The following PWWP2A variants were observed in gnomAD, a reference collection of about 807,000 sequenced individuals.
The protein encoded by PWWP2A is PWWP domain containing 2A, also known as PWWP domain-containing protein 2A.
In PWWP2A, 18 loss-of-function variants were observed where a neutral mutation model predicts 48.5. The observed-to-expected ratio is 0.37, with a 90% CI of 0.26 to 0.55. The LOEUF (loss-of-function observed/expected upper bound fraction) is 0.55. Among genes scored for constraint, PWWP2A ranks in the 20% least tolerant of loss-of-function variants. PWWP2A has a pLI of 0.81. For missense variants in PWWP2A, 867 were observed against 976.4 expected (o/e 0.89, Z 1.49); for synonymous variants, 396 against 387.7 (o/e 1.02, Z -0.25).
At chr5:160,109,499 T>G (rs912464853) in intron 1 of PWWP2A, among the ~76,000 whole-genome samples, 10 of 152,058 alleles carry the variant, frequency 6.6e-5, no homozygotes, top group African/African-American at 2.4e-4. Context: ...AAGCCTGGGC[T>G]GAAGGCTTTT....
intron 1 of PWWP2A, 55 bp from the exon 2 acceptor site, chr5:160,094,120 AT>A (rs750748636): frequency 1.1e-4 from 158 of 1,476,486 alleles, no homozygotes; most frequent in Non-Finnish European, 1.4e-4. Context: ...CTATAATTCA[AT>A]TTCTTAAACG....
In PWWP2A at chr5:160,069,872, A is replaced by G. The variant is rs1287976721; in HGVS notation, c.*80-3001T>C. ...GCATCTTGGATATTTCCAAGAATTA[A>G]AAAAATCCCCAACTTTTCCTTTCGT... On this transcript the variant is annotated intron_variant and NMD_transcript_variant, in intron 2 of 5. Coordinates refer to the PWWP2A transcript ENST00000524050. Among the ~76,000 whole-genome samples, 5 of 152,182 alleles carry G rather than the reference A, an allele frequency of 3.3e-5. No individual in the cohort carries two copies. The South Asian group carries it at 8.3e-4, about 25-fold the overall frequency.
chr5:160,090,469 A>C, downstream of PWWP2A: 1 of 982,306 alleles, frequency 1.0e-6, no homozygotes, highest in Non-Finnish European at 1.2e-6. Context: ...CCACACTGTG[A>C]ATTTCAAAGA....
chr5:160,109,774 A>AATATATAT (rs1223846862), intron 1 of PWWP2A, among the ~76,000 whole-genome samples: 19 of 25,222 alleles, frequency 7.5e-4, no homozygotes, highest in South Asian at 1.5e-3. Context: ...AAAAAAAAAA[A>AATATATAT]ATATATATAT....
chr5:160,101,444 T>C (rs1269678708), intron 1 of PWWP2A, among the ~76,000 whole-genome samples: 1 of 152,188 alleles, frequency 6.6e-6, no homozygotes, highest in African/African-American at 2.4e-5. Context: ...TGAATCCACT[T>C]ACATGAAAAG....
chr5:160,049,556 G>C, the PWWP2A span: 2 of 1,609,208 alleles, frequency 1.2e-6, no homozygotes, highest in Non-Finnish European at 1.7e-6. Flanking sequence ...ATATTGAGGA[G>C]AGCAGAGTTG....
At chr5:160,045,512 ACATACACACTCTCT>A in the PWWP2A span, among the ~76,000 whole-genome samples, 3 of 42,848 alleles carry the variant, frequency 7.0e-5, no homozygotes, top group Admixed American at 6.6e-4. Flanking sequence ...ACACACACAC[ACATACACACTCTCT>A]CTCTCTCTCT....
chr5:160,044,629 G>A, the PWWP2A span, among the ~76,000 whole-genome samples: 2 of 152,328 alleles, frequency 1.3e-5, no homozygotes, highest in Admixed American at 6.5e-5. Context: ...AGGGAGCAGT[G>A]AGGATGACCA....
chr5:160,118,637 G>A (rs560913339), intron 1 of PWWP2A, among the ~76,000 whole-genome samples, 168 bp downstream of exon 1: 3 of 152,176 alleles, frequency 2.0e-5, no homozygotes, highest in East Asian at 1.9e-4. Flanking sequence ...GCCCTCTCCC[G>A]GTCTCGCGCG....
At chr5:160,059,252 G>C (rs556533960), downstream of PWWP2A, among the ~76,000 whole-genome samples, 25 of 152,310 alleles carry the variant, frequency 1.6e-4, no homozygotes, top group East Asian at 4.8e-3. Flanking sequence ...ATCTTAGCTA[G>C]ATCTTCTGAA....
At chr5:160,116,780 A>T (rs1461935626) in intron 1 of PWWP2A, 1 of 985,352 alleles carries the variant, frequency 1.0e-6, no homozygotes, top group Non-Finnish European at 1.2e-6. Flanking sequence ...TACACACCAG[A>T]GTGTCTCTTA....
chr5:160,078,109 T>TAA lies in PWWP2A; in HGVS notation c.*45_*46insTT, dbSNP rs1358176646. 2.7e-6 allele frequency: 4 copies of TAA among 1,498,586 alleles called. No individual in the cohort carries two copies. Among genetic ancestry groups the TAA allele is most frequent in the Non-Finnish European group, 2.7e-6 (3 of 1,097,046 alleles). The allele number at this position is 1,498,586 out of a possible 1,614,324, so 92.8% of individuals were successfully genotyped here. A position where few individuals can be genotyped will look rare whatever the true frequency, so the allele number is the denominator to read the frequency against. On this transcript the variant is annotated 3_prime_UTR_variant, in exon 4 of 4. Coordinates refer to the PWWP2A transcript ENST00000456329. This position sits in a 1 kb window ranked among gnomAD's most constrained non-coding sequence, Gnocchi z 4.2. ...ATTTCATTCAGTCCTGATGCTCTGG[T>TAA]GTTCTCTGTGTCATTGTGGTACAGG...
In PWWP2A at chr5:160,092,240, ATAAGG is replaced by A. The variant is rs1755157625; in HGVS notation, c.*137_*141del. On this transcript the variant is annotated 3_prime_UTR_variant, in exon 2 of 2. Coordinates refer to ENST00000307063, the MANE Select transcript of PWWP2A (RefSeq NM_001130864.2). ...TTAAGCTCTCAGTCTAAAAATGGCTATAAGGTAAGTATTAAAAAGCCAGCCAACTG... is the reference window on the plus strand; with the variant it reads ...TTAAGCTCTCAGTCTAAAAATGGCTATAAGTATTAAAAAGCCAGCCAACTG... 8 of 1,401,870 alleles carry A rather than the reference ATAAGG, an allele frequency of 5.7e-6. No homozygotes were observed. Among genetic ancestry groups the A allele is most frequent in the South Asian group, 1.8e-5 (1 of 56,172 alleles). 86.8% of individuals were successfully genotyped at this position (1,401,870 alleles called of 1,614,324 possible). A position where few individuals can be genotyped will look rare whatever the true frequency, so the allele number is the denominator to read the frequency against.
At chr5:160,076,566 A>G (rs1753898012) in exon 4 of PWWP2A, 1 of 152,246 alleles carries the variant, frequency 6.6e-6, no homozygotes, top group Non-Finnish European at 1.5e-5. Context: ...CAAACAGACA[A>G]TTGTAGAATG....
chr5:160,075,102 T>C (rs1025620811), downstream of PWWP2A, among the ~76,000 whole-genome samples: 10 of 152,218 alleles, frequency 6.6e-5, no homozygotes, highest in Admixed American at 1.3e-4. Flanking sequence ...GATACATGTA[T>C]ACATGACCAG....
chr5:160,074,442 AAAATAAAT>A (rs70987994), downstream of PWWP2A, among the ~76,000 whole-genome samples: 1,451 of 150,944 alleles, frequency 9.6e-3, 21 homozygotes, highest in African/African-American at 0.033. Flanking sequence ...CTGTCTCAAA[AAAATAAAT>A]AAATAAATAA....
chr5:160,082,166 C>T (rs536306952), intron 2 of PWWP2A, among the ~76,000 whole-genome samples: 6 of 152,194 alleles, frequency 3.9e-5, no homozygotes, highest in South Asian at 2.1e-4. Flanking sequence ...ATTATCTGGC[C>T]GGGCGCGGTG....
exon 3 of PWWP2A, chr5:160,066,835 T>A (rs530720797): frequency 6.6e-6 from 1 of 151,700 alleles, no homozygotes; most frequent in Admixed American, 6.6e-5. Context: ...AGGCCAGAGA[T>A]CCAGACCAGC....
At position 160,118,914 on chromosome 5, in the gene PWWP2A, C is replaced by G. The variant is rs746237589; in HGVS notation, c.475G>C (p.Gly159Arg). 6.2e-7 allele frequency: 1 copy of G among 1,602,220 alleles called. No individual in the cohort carries two copies. Among genetic ancestry groups the G allele is most frequent in the Non-Finnish European group, 8.5e-7 (1 of 1,175,348 alleles). Residue 159 changes from glycine to arginine, a missense_variant, in exon 1 of 2, where the codon GGC becomes CGC. This residue lies in a region of PWWP2A where 385 missense variants were observed against 396.9 expected (regional missense o/e 0.97). Transcript: ENST00000307063. ...GDSTVSQLIP[G>R]SEVRVTLDHI... ...TCCAGCGTGACCCGCACCTCCGAGC[C>G]CGGGATCAGTTGCGACACCGTGGAG...
Sources: gnomAD v4.1 joint callset for allele counts (sites outside exome capture counted in the v4.1 genomes callset) on GRCh38, gnomAD v4.1.1 for gene constraint, gnomAD v4.1.1 regional missense constraint, Gnocchi (gnomAD v3.1) non-coding constraint, MANE v1.5 for transcripts, NCBI Gene and HGNC (gene_info 2026-07-23, HGNC 2026-07-21) for gene names.